PCDHGB1: variants seen among roughly 807,000 people sequenced by gnomAD.
PCDHGB1 encodes protocadherin gamma-B1.
Under a neutral mutation model 56.6 loss-of-function variants are expected in PCDHGB1, and 34 were observed. The observed-to-expected ratio is 0.60, with a 90% CI of 0.46 to 0.80. The LOEUF is 0.80. Among genes scored for constraint, PCDHGB1 ranks in the 30% least tolerant of loss-of-function variants. PCDHGB1 has a pLI of 0.00. For synonymous variants in PCDHGB1, 561 were observed against 505.9 expected (o/e 1.11, Z -1.46); for missense variants, 1,278 against 1,204.6 (o/e 1.06, Z -0.90).
chr5:141,408,555 A>G, intron 1 of PCDHGB1: 1 of 1,614,052 alleles, frequency 6.2e-7, no homozygotes, highest in South Asian at 1.1e-5. Flanking sequence ...AATATTTTTC[A>G]TGTCATTGTG....
chr5:141,421,634 A>G (rs771759412), intron 1 of PCDHGB1: 12 of 1,613,714 alleles, frequency 7.4e-6, no homozygotes, highest in South Asian at 1.1e-5. Context: ...AGCTTCCAGG[A>G]GGACGAAGTG....
chr5:141,457,020 C>A (rs2098903789), intron 1 of PCDHGB1, among the ~76,000 whole-genome samples: 1 of 152,086 alleles, frequency 6.6e-6, no homozygotes, highest in Non-Finnish European at 1.5e-5. Flanking sequence ...AATAAAAAGT[C>A]CTAGTAGACT....
intron 1 of PCDHGB1, among the ~76,000 whole-genome samples, chr5:141,420,626 C>T (rs1192244062): frequency 6.6e-6 from 1 of 152,152 alleles, no homozygotes; most frequent in Non-Finnish European, 1.5e-5. Flanking sequence ...TTCATTTACT[C>T]AATAAAGGAA....
At chr5:141,390,352 A>C (rs1340044054) in intron 1 of PCDHGB1, 1 of 1,557,524 alleles carries the variant, frequency 6.4e-7, no homozygotes, top group African/African-American at 1.4e-5. Context: ...GAAAATATAC[A>C]TATTTGCAGG....
intron 1 of PCDHGB1, among the ~76,000 whole-genome samples, chr5:141,450,829 A>AT (rs373424450): frequency 7.2e-4 from 97 of 135,128 alleles, no homozygotes; most frequent in East Asian, 1.8e-3. Flanking sequence ...TATTATTATT[A>AT]TTTTTTTTTT....
chr5:141,374,510 C>T (rs760895208), intron 1 of PCDHGB1: 2 of 1,611,824 alleles, frequency 1.2e-6, no homozygotes, highest in East Asian at 2.2e-5. Context: ...AGTGAAAATT[C>T]TCGAAAACGC....
In PCDHGB1 at chr5:141,511,251, A is replaced by T. The variant is rs780892899; in HGVS notation, c.*78A>T. 2.0e-5 allele frequency: 32 copies of T among 1,571,672 alleles called. No homozygotes were observed. Among genetic ancestry groups the T allele is most frequent in the Non-Finnish European group, 2.6e-5 (30 of 1,158,828 alleles). ...TTCTCCTTACCTGCACCCAGGCCTC[A>T]GAGTTTCAGGGCTAACCCCCAGAAT... On this transcript the variant is annotated 3_prime_UTR_variant, in exon 4 of 4. Transcript: ENST00000523390.
Position 141,352,437 on chromosome 5 carries a change from G to A in PCDHGB1, c.2177G>A (p.Gly726Asp), listed in dbSNP as rs754792200. The A allele has an allele frequency of 1.2e-6, 2 of 1,613,916 alleles. No homozygotes were observed. Among genetic ancestry groups the A allele is most frequent in the Non-Finnish European group, 1.7e-6 (2 of 1,179,916 alleles). ...SLDTEGCFQT[G>D]LCSKSGPGVP... is the part of the protein sequence containing the mutation. ...GACACTGAGGGCTGCTTTCAAACCG[G>A]TCTCTGCTCCAAGTCTGGGCCCGGG... Residue 726 changes from glycine (G) to aspartate (D), a missense_variant, in exon 1 of 4, where the codon GGT (glycine) becomes GAT (aspartate). Gly to Asp is a moderately conservative substitution (Grantham distance 94, BLOSUM62 -1). Transcript: ENST00000523390.
chr5:141,389,766 C>T (rs1217222336), intron 1 of PCDHGB1: 2 of 1,613,060 alleles, frequency 1.2e-6, no homozygotes, highest in East Asian at 4.5e-5. Context: ...GCGCACAGCG[C>T]GTGCCTTAGG....
At chr5:141,390,164 G>C in intron 1 of PCDHGB1, 1 of 1,614,006 alleles carries the variant, frequency 6.2e-7, no homozygotes, top group Non-Finnish European at 8.5e-7. Context: ...CAGGAAAGAC[G>C]GAGTTTAATT....
At chr5:141,369,272 AT>A (rs1346533698) in intron 1 of PCDHGB1, among the ~76,000 whole-genome samples, 2 of 152,200 alleles carry the variant, frequency 1.3e-5, no homozygotes, top group Non-Finnish European at 2.9e-5. Flanking sequence ...AGGACTTACA[AT>A]TCACTCCCCA....
In PCDHGB1 at chr5:141,486,005, A is replaced by G. The variant is rs1057476811; in HGVS notation, c.2410-8802A>G. On this transcript the variant is annotated intron_variant, in intron 1 of 3. Transcript: ENST00000523390. This position sits in a 1 kb window ranked among gnomAD's most constrained non-coding sequence, Gnocchi z 5.0. Reference sequence around the variant, plus strand: ...GGACCTGGGTCCCAGTGGTAACGTCACCTTTTATTTCAGTGGTCATACCCC... The same window carrying G: ...GGACCTGGGTCCCAGTGGTAACGTCGCCTTTTATTTCAGTGGTCATACCCC... 1.9e-6 allele frequency: 3 copies of G among 1,613,936 alleles called. No homozygotes were observed. The Admixed American group carries it at 5.0e-5, about 27-fold the overall frequency.
At position 141,432,185 on chromosome 5, in the gene PCDHGB1, G is replaced by A. The variant is rs376661062; in HGVS notation, c.2410-62622G>A. 8.1e-6 allele frequency: 13 copies of A among 1,613,956 alleles called. No individual in the cohort carries two copies. The African/African-American group carries it at 1.3e-4, about 17-fold the overall frequency. On this transcript the variant is annotated intron_variant, in intron 1 of 3. Transcript: ENST00000523390. This position sits in a 1 kb window ranked among gnomAD's most constrained non-coding sequence, Gnocchi z 6.0. ...AGGAGTTTCCCTCGTCTCTGTGACC[G>A]CCCACGACCCCGACTGTGAAGAGAA...
At chr5:141,413,444 C>T (rs2095641519) in intron 1 of PCDHGB1, 2 of 1,613,998 alleles carry the variant, frequency 1.2e-6, no homozygotes, top group Non-Finnish European at 1.7e-6. Context: ...AGCTTGATCA[C>T]CGCGGGCAGG....
chr5:141,352,842 G>A (rs1054767492), intron 1 of PCDHGB1, 173 bp downstream of exon 1: 4 of 697,160 alleles, frequency 5.7e-6, no homozygotes, highest in Non-Finnish European at 9.4e-6. Flanking sequence ...ACAAAAATTA[G>A]TTGGGTGTGG....
chr5:141,355,530 A>G (rs753782818), intron 1 of PCDHGB1: 3 of 1,614,092 alleles, frequency 1.9e-6, no homozygotes, highest in Non-Finnish European at 2.5e-6. Context: ...AGATTCTTCT[A>G]GAAGATACAG....
intron 1 of PCDHGB1, chr5:141,418,442 G>C: frequency 6.2e-7 from 1 of 1,614,010 alleles, no homozygotes; most frequent in Non-Finnish European, 8.5e-7. Flanking sequence ...TCCAGAATTA[G>C]TATTGCAGAA....
At chr5:141,411,890 G>T (rs2095521758) in intron 1 of PCDHGB1, 1 of 152,148 alleles carries the variant, frequency 6.6e-6, no homozygotes, top group South Asian at 2.1e-4. Context: ...AGAAATAAAT[G>T]AAATACTATT....
At chr5:141,481,722 G>A (rs546676646) in intron 1 of PCDHGB1, among the ~76,000 whole-genome samples, 1 of 152,214 alleles carries the variant, frequency 6.6e-6, no homozygotes, top group African/African-American at 2.4e-5. Flanking sequence ...GGGAGGCGGA[G>A]GCGGGCGGAT....
Sources: allele counts gnomAD v4.1 joint callset (sites outside exome capture counted in the v4.1 genomes callset), GRCh38; gene constraint gnomAD v4.1.1; non-coding constraint Gnocchi (gnomAD v3.1); transcripts MANE v1.5; gene names NCBI Gene and HGNC (gene_info 2026-07-23, HGNC 2026-07-21).